Variants in GAS2 observed in about 807,000 individuals in gnomAD.
GAS2 encodes growth arrest-specific protein 2.
In GAS2, 20 loss-of-function variants were observed where a neutral mutation model predicts 37.5. That is an observed-to-expected ratio of 0.53 (90% CI 0.37 to 0.77). The LOEUF (loss-of-function observed/expected upper bound fraction) is 0.77. GAS2 is among the 30% of genes least tolerant of loss of function. The pLI, the probability that GAS2 is intolerant of heterozygous loss-of-function variation, is 0.00. For synonymous variants in GAS2, 144 were observed against 132.2 expected (o/e 1.09, Z -0.61); for missense variants, 336 against 373.4 (o/e 0.90, Z 0.82).
chr11:22,760,944 C>T (rs768743595), intron 7 of GAS2, among the ~76,000 whole-genome samples: 7 of 152,156 alleles, frequency 4.6e-5, no homozygotes, highest in Non-Finnish European at 7.3e-5. Flanking sequence ...AGCTTCCTAT[C>T]TTCCGGAAAA....
chr11:22,677,474 T>C (rs1433155650), intron 2 of GAS2, among the ~76,000 whole-genome samples: 1 of 152,236 alleles, frequency 6.6e-6, no homozygotes, highest in Non-Finnish European at 1.5e-5. Flanking sequence ...CAGTATGATC[T>C]ATGAGAAGCC....
chr11:22,627,782 A>G (rs548843503), intron 1 of GAS2, among the ~76,000 whole-genome samples: 20 of 152,170 alleles, frequency 1.3e-4, no homozygotes, highest in African/African-American at 4.8e-4. Flanking sequence ...CTCAAAAAAA[A>G]AAAAAAAGGA....
At chr11:22,705,233 C>A (rs975913623) in intron 3 of GAS2, among the ~76,000 whole-genome samples, 1 of 152,146 alleles carries the variant, frequency 6.6e-6, no homozygotes, top group Non-Finnish European at 1.5e-5. Flanking sequence ...GGACTCCTTG[C>A]AATTCTTTGA....
At chr11:22,652,341 A>G (rs932289093) in intron 1 of GAS2, among the ~76,000 whole-genome samples, 1 of 152,192 alleles carries the variant, frequency 6.6e-6, no homozygotes, top group African/African-American at 2.4e-5. Flanking sequence ...AGACAGGGCC[A>G]TTTAAGTCTG....
intron 1 of GAS2, among the ~76,000 whole-genome samples, chr11:22,647,695 G>A (rs1402352193): frequency 2.0e-5 from 3 of 152,168 alleles, no homozygotes; most frequent in African/African-American, 7.2e-5. Flanking sequence ...ATTTTTTCAT[G>A]TGTTTCTTGG....
intron 3 of GAS2, chr11:22,702,309 A>C (rs1850881482): frequency 6.6e-6 from 1 of 152,220 alleles, no homozygotes; most frequent in African/African-American, 2.4e-5. Flanking sequence ...TGGCAGAAGA[A>C]GCCAGTGTCT....
chr11:22,696,269 A>C lies in GAS2; in HGVS notation c.267+10480A>C, dbSNP rs543882790. Among the ~76,000 whole-genome samples the C allele has an allele frequency of 9.4e-3, 1,426 of 151,756 alleles. 23 individuals are homozygous for C. The highest frequency in any genetic ancestry group is 0.033 in the African/African-American group (1,350 of 41,202). ...CATCCATGTCGCTACAAAGGACATG[A>C]ACTCATCATTTTTTATGGCTGCATA... On this transcript the variant is annotated intron_variant, in intron 3 of 7. Transcript: ENST00000454584.
intron 4 of GAS2, among the ~76,000 whole-genome samples, chr11:22,730,264 G>A (rs564472078): frequency 9.9e-5 from 15 of 151,886 alleles, no homozygotes; most frequent in African/African-American, 3.6e-4. Context: ...ACAAACTTAA[G>A]ATAGTGAAGA....
intron 3 of GAS2, among the ~76,000 whole-genome samples, chr11:22,706,242 G>C (rs751364814): frequency 5.9e-5 from 9 of 152,138 alleles, no homozygotes; most frequent in Non-Finnish European, 1.3e-4. Flanking sequence ...AACCACCCAA[G>C]TCAGGAGGCT....
At position 22,755,830 on chromosome 11, in the gene GAS2, T is replaced by G. The variant is rs1477899774; in HGVS notation, c.616-16T>G. ...CCTAATTAAGACAAATGAATGTGCC[T>G]GCTCTTCTATTTCAGGTGAAACGAA... is the stretch of plus-strand genomic sequence containing the variant. On this transcript the variant is annotated splice_polypyrimidine_tract_variant and intron_variant, in intron 6 of 7. Transcript: ENST00000454584. The G allele has an allele frequency of 2.5e-6, 4 of 1,587,286 alleles. No homozygotes were observed. In the African/African-American group the frequency reaches 5.4e-5, roughly 21 times the overall value.
chr11:22,693,435 C>T (rs1032348165), intron 3 of GAS2, among the ~76,000 whole-genome samples: 1 of 152,086 alleles, frequency 6.6e-6, no homozygotes, highest in Non-Finnish European at 1.5e-5. Flanking sequence ...TCTTTTTTTA[C>T]TGATTTTCAT....
At position 22,697,551 on chromosome 11, in the gene GAS2, C is replaced by T. The variant is rs184544364; in HGVS notation, c.267+11762C>T. ...ACCTTGGGCAGTATGACCATTTTCA[C>T]GATACTGATTGTTCCTACCCATGAG... On this transcript the variant is annotated intron_variant, in intron 3 of 7. Coordinates refer to ENST00000454584, the MANE Select transcript of GAS2 (RefSeq NM_001143830.3). Among the ~76,000 whole-genome samples, 1,295 of 152,280 alleles carry T rather than the reference C, an allele frequency of 8.5e-3. 15 individuals carry two copies. Among genetic ancestry groups the T allele is most frequent in the African/African-American group, 0.029 (1,214 of 41,540 alleles).
At chr11:22,706,453 TA>T (rs1285954548) in intron 3 of GAS2, among the ~76,000 whole-genome samples, 4 of 152,136 alleles carry the variant, frequency 2.6e-5, no homozygotes, top group African/African-American at 9.7e-5. Flanking sequence ...CATCTAGCAT[TA>T]GGTATATCTC....
rs537861068 is a variant in GAS2 at position 22,715,623 on chromosome 11, A to G, written c.268-10669A>G. 2.6e-5 allele frequency among the ~76,000 whole-genome samples: 4 copies of G among 152,158 alleles called. No homozygotes were observed. The East Asian group carries it at 5.8e-4, about 22-fold the overall frequency. ...AGGAGACGGATAAATTCCTGGAAAT[A>G]TACAACCCTTGTAGATTAAACCAGG... On this transcript the variant is annotated intron_variant, in intron 3 of 7. Coordinates refer to ENST00000454584, the MANE Select transcript of GAS2 (RefSeq NM_001143830.3).
chr11:22,721,395 A>T (rs1259342050), intron 3 of GAS2, among the ~76,000 whole-genome samples: 1 of 152,052 alleles, frequency 6.6e-6, no homozygotes, highest in Non-Finnish European at 1.5e-5. Flanking sequence ...ATACTGCAGC[A>T]TATATGTACA....
chr11:22,774,890 A>ATC (rs1485210296), intron 7 of GAS2, among the ~76,000 whole-genome samples: 5 of 152,092 alleles, frequency 3.3e-5, no homozygotes, highest in Non-Finnish European at 5.9e-5. Context: ...GTAGAAGTGA[A>ATC]AGTGTTTCAA....
At chr11:22,662,824 GCCTGGGCAACATAGTGGGACTGTGTC>G (rs1032347235), upstream of GAS2, among the ~76,000 whole-genome samples, 2 of 152,016 alleles carry the variant, frequency 1.3e-5, no homozygotes, top group African/African-American at 2.4e-5. Context: ...TTTGAGACTA[GCCTGGGCAACATAGTGGGACTGTGTC>G]CCTGGGCAAC....
chr11:22,757,883 CT>C (rs144339512), intron 7 of GAS2, among the ~76,000 whole-genome samples: 21,325 of 151,990 alleles, frequency 0.14, 1,661 homozygotes, highest in East Asian at 0.19. Flanking sequence ...CTAAAAAAGG[CT>C]CCTGTCTATG....
chr11:22,751,573 T>C (rs997897684), intron 6 of GAS2, among the ~76,000 whole-genome samples: 20 of 152,052 alleles, frequency 1.3e-4, no homozygotes, highest in African/African-American at 4.8e-4. Flanking sequence ...TTATTCTGTT[T>C]ATCCATGTTG....
Sources: gnomAD v4.1 joint callset for allele counts (sites outside exome capture counted in the v4.1 genomes callset) on GRCh38, gnomAD v4.1.1 for gene constraint, MANE v1.5 for transcripts, NCBI Gene and HGNC (gene_info 2026-07-23, HGNC 2026-07-21) for gene names.